CPA6: variants seen among roughly 807,000 people sequenced by gnomAD.
CPA6 encodes the protein carboxypeptidase A6.
CPA6 carries 58 observed loss-of-function variants against 63.3 expected under a neutral mutation model. The observed-to-expected ratio is 0.92, with a 90% CI of 0.74 to 1.14. The LOEUF is 1.14. CPA6 is among the 50% of genes most tolerant of loss of function. The probability of loss-of-function intolerance (pLI) is 0.00; values close to 1 mark genes in which losing one functional copy is unlikely to be tolerated. For missense variants in CPA6, 565 were observed against 526.6 expected, an observed-to-expected ratio of 1.07 and a Z score of -0.71; for synonymous variants, 185 against 179.0, an observed-to-expected ratio of 1.03 and a Z score of -0.27.
At chr8:67,731,218 A>C (rs1029444896) in intron 1 of CPA6, among the ~76,000 whole-genome samples, 6 of 152,238 alleles carry the variant, frequency 3.9e-5, no homozygotes, top group South Asian at 2.1e-4. Context: ...AATGCTGTCT[A>C]TACAAGTTGC....
At chr8:67,683,205 C>T (rs982587296) in intron 1 of CPA6, among the ~76,000 whole-genome samples, 1 of 152,200 alleles carries the variant, frequency 6.6e-6, no homozygotes, top group African/African-American at 2.4e-5. Context: ...ACCATTGTTT[C>T]ATGTGTTTTC....
chr8:67,448,067 G>C (rs540087960), intron 8 of CPA6, among the ~76,000 whole-genome samples: 41 of 152,366 alleles, frequency 2.7e-4, no homozygotes, highest in African/African-American at 9.9e-4. Flanking sequence ...TTACAGGTGT[G>C]AGCCACTGTG....
intron 9 of CPA6, among the ~76,000 whole-genome samples, chr8:67,433,188 C>A (rs1280334672): frequency 6.6e-6 from 1 of 152,188 alleles, no homozygotes; most frequent in Non-Finnish European, 1.5e-5. Context: ...TTCATGTAAC[C>A]ACCATCCAGG....
chr8:67,548,087 TTC>T (rs1375758265), intron 2 of CPA6, among the ~76,000 whole-genome samples: 1 of 150,914 alleles, frequency 6.6e-6, no homozygotes. Flanking sequence ...TTTCTTTTCT[TTC>T]TCTCTTTCTC....
At chr8:67,671,723 G>A (rs1272640781) in intron 1 of CPA6, among the ~76,000 whole-genome samples, 1 of 152,160 alleles carries the variant, frequency 6.6e-6, no homozygotes, top group Admixed American at 6.5e-5. Context: ...GTGCAGGCTA[G>A]GATGTTTCCT....
intron 3 of CPA6, among the ~76,000 whole-genome samples, chr8:67,516,524 A>G (rs1298625833): frequency 6.6e-6 from 1 of 152,114 alleles, no homozygotes; most frequent in African/African-American, 2.4e-5. Context: ...GTCACTTCTC[A>G]TTCTCTGCTT....
chr8:67,670,923 CATT>C (rs1432676334), intron 1 of CPA6, among the ~76,000 whole-genome samples: 1 of 152,230 alleles, frequency 6.6e-6, no homozygotes, highest in Non-Finnish European at 1.5e-5. Context: ...TCCTCTGCAT[CATT>C]GTCATGATTC....
At chr8:67,517,704 G>C (rs1180903372) in intron 3 of CPA6, among the ~76,000 whole-genome samples, 1 of 152,136 alleles carries the variant, frequency 6.6e-6, no homozygotes, top group Non-Finnish European at 1.5e-5. Context: ...TCACTTAGTG[G>C]TAACAGTGAA....
chr8:67,612,482 T>G (rs1369881995), intron 2 of CPA6, among the ~76,000 whole-genome samples: 1 of 152,216 alleles, frequency 6.6e-6, no homozygotes, highest in Non-Finnish European at 1.5e-5. Context: ...TCTCTGTACC[T>G]TCTCCTTTCT....
chr8:67,465,709 T>C (rs1477243262), intron 8 of CPA6, among the ~76,000 whole-genome samples: 1 of 152,202 alleles, frequency 6.6e-6, no homozygotes, highest in African/African-American at 2.4e-5. Context: ...CCCATGTCTA[T>C]TGAGATACAC....
At chr8:67,653,850 C>G (rs1163717631) in intron 1 of CPA6, among the ~76,000 whole-genome samples, 2 of 151,902 alleles carry the variant, frequency 1.3e-5, no homozygotes, top group South Asian at 2.1e-4. Flanking sequence ...CCAGTTTTTG[C>G]CCATTCAGTA....
chr8:67,660,425 G>T (rs577874073), intron 1 of CPA6, among the ~76,000 whole-genome samples: 1 of 136,770 alleles, frequency 7.3e-6, no homozygotes, highest in African/African-American at 2.9e-5. Flanking sequence ...GACCTCCCAG[G>T]CTCAAGTGAT....
intron 1 of CPA6, among the ~76,000 whole-genome samples, chr8:67,717,717 T>C (rs543686625): frequency 6.6e-6 from 1 of 152,322 alleles, no homozygotes; most frequent in South Asian, 2.1e-4. Context: ...GCAGATGTGA[T>C]AAAGTTAAGG....
chr8:67,439,463 C>T (rs117486597), intron 8 of CPA6, among the ~76,000 whole-genome samples: 2,535 of 151,968 alleles, frequency 0.017, 24 homozygotes, highest in Middle Eastern at 0.034. Context: ...GTGGTGCATG[C>T]GTTTAATCCC....
chr8:67,428,553 T>C (rs903572902), intron 9 of CPA6, among the ~76,000 whole-genome samples: 8 of 152,110 alleles, frequency 5.3e-5, no homozygotes, highest in Admixed American at 6.5e-5. Flanking sequence ...GCGCGATCTC[T>C]GCTCACTGCA....
intron 8 of CPA6, among the ~76,000 whole-genome samples, chr8:67,457,305 A>G (rs1372193977): frequency 6.6e-6 from 1 of 152,210 alleles, no homozygotes; most frequent in African/African-American, 2.4e-5. Flanking sequence ...TATTAAGTAA[A>G]TGAATGAATT....
At chr8:67,494,429 G>A (rs955700944) in intron 6 of CPA6, among the ~76,000 whole-genome samples, 19 of 152,084 alleles carry the variant, frequency 1.2e-4, no homozygotes, top group Admixed American at 6.6e-4. Flanking sequence ...TCATCCCAGC[G>A]ATGTAGAATT....
chr8:67,430,505 A>T (rs1203564787), intron 9 of CPA6, among the ~76,000 whole-genome samples: 1 of 152,166 alleles, frequency 6.6e-6, no homozygotes, highest in East Asian at 1.9e-4. Context: ...TGACTAAAAA[A>T]CATTGCCAGA....
intron 8 of CPA6, among the ~76,000 whole-genome samples, chr8:67,461,406 G>A (rs1163619104): frequency 2.0e-5 from 3 of 148,670 alleles, no homozygotes; most frequent in African/African-American, 7.5e-5. Flanking sequence ...AGGATCCCAA[G>A]GCAGAAGAAT....
Sources: allele counts gnomAD v4.1 joint callset (sites outside exome capture counted in the v4.1 genomes callset), GRCh38; gene constraint gnomAD v4.1.1; transcripts MANE v1.5; gene names NCBI Gene and HGNC (gene_info 2026-07-23, HGNC 2026-07-21).